Variants in ITGA1 observed in about 807,000 individuals in gnomAD.
ITGA1 encodes the protein integrin alpha-1.
ITGA1 carries 85 observed loss-of-function variants against 145.9 expected under a neutral mutation model. The observed-to-expected ratio is 0.58, with a 90% CI of 0.49 to 0.70. The LOEUF is 0.70. Ranked by LOEUF, ITGA1 falls within the 30% of genes least tolerant of loss-of-function variation. The pLI is 0.00. For synonymous variants in ITGA1, 520 were observed against 495.3 expected (o/e 1.05, Z -0.66); for missense variants, 1,351 against 1,418.7 (o/e 0.95, Z 0.77).
intron 24 of ITGA1, among the ~76,000 whole-genome samples, chr5:52,938,841 T>A (rs985599856): frequency 6.6e-6 from 1 of 152,136 alleles, no homozygotes; most frequent in Non-Finnish European, 1.5e-5. Flanking sequence ...TAAATACAGA[T>A]GAAGGTCTCT....
intron 3 of ITGA1, among the ~76,000 whole-genome samples, chr5:52,862,218 CAAAAAAA>C (rs11323830): frequency 3.1e-5 from 3 of 96,528 alleles, no homozygotes; most frequent in Admixed American, 1.1e-4. Flanking sequence ...AACTCCATCT[CAAAAAAA>C]AAAAAAAAAA....
intron 1 of ITGA1, among the ~76,000 whole-genome samples, chr5:52,828,239 T>C (rs966600756): frequency 1.2e-4 from 18 of 152,186 alleles, no homozygotes; most frequent in African/African-American, 4.3e-4. Flanking sequence ...CTGTTTTCCA[T>C]AGCAACATTA....
chr5:52,948,056 GGTAAATGTGA>G (rs977595329), intron 28 of ITGA1, among the ~76,000 whole-genome samples: 10 of 152,082 alleles, frequency 6.6e-5, no homozygotes, highest in African/African-American at 2.4e-4. Context: ...CAAATTCTGT[GGTAAATGTGA>G]GTAACCACCT....
At chr5:52,838,298 A>G (rs949887763) in intron 1 of ITGA1, among the ~76,000 whole-genome samples, 8 of 152,200 alleles carry the variant, frequency 5.3e-5, no homozygotes, top group African/African-American at 1.9e-4. Context: ...AGTCTATTAC[A>G]TACCATAGGA....
intron 1 of ITGA1, among the ~76,000 whole-genome samples, chr5:52,832,775 G>GTGTGTGTC (rs1554042251): frequency 3.6e-5 from 4 of 109,946 alleles, no homozygotes; most frequent in Non-Finnish European, 5.5e-5. Flanking sequence ...CTGTGTGTGT[G>GTGTGTGTC]TGTGTGTGTG....
intron 1 of ITGA1, chr5:52,800,144 T>C (rs868452784): frequency 5.7e-6 from 3 of 523,348 alleles, no homozygotes; most frequent in Middle Eastern, 5.2e-4. Context: ...TGTGTAGGGG[T>C]AGATTTTCGC....
At chr5:52,934,659 C>A (rs1302635872) in intron 23 of ITGA1, among the ~76,000 whole-genome samples, 4 of 151,806 alleles carry the variant, frequency 2.6e-5, no homozygotes, top group African/African-American at 4.8e-5. Flanking sequence ...TAGTTACTGA[C>A]ACAGACTCAA....
chr5:52,821,326 A>T (rs1198083368), intron 1 of ITGA1, among the ~76,000 whole-genome samples: 1 of 152,096 alleles, frequency 6.6e-6, no homozygotes, highest in Non-Finnish European at 1.5e-5. Context: ...AAGTCTAGGA[A>T]CCTATGTCAG....
At chr5:52,939,800 C>T (rs112900191) in intron 25 of ITGA1, 40 bp from the exon 26 acceptor site, 82 of 1,455,378 alleles carry the variant, frequency 5.6e-5, no homozygotes, top group East Asian at 5.2e-4. Flanking sequence ...TTTGATAAAA[C>T]GGCAAGAATA....
intron 6 of ITGA1, among the ~76,000 whole-genome samples, chr5:52,868,188 A>G (rs1749718096): frequency 6.6e-6 from 1 of 152,222 alleles, no homozygotes; most frequent in Non-Finnish European, 1.5e-5. Flanking sequence ...ACAATTTATT[A>G]TACAGCCATC....
At chr5:52,844,530 C>G (rs1203378741) in intron 1 of ITGA1, among the ~76,000 whole-genome samples, 2 of 152,118 alleles carry the variant, frequency 1.3e-5, no homozygotes, top group African/African-American at 4.8e-5. Context: ...TCTGCCTTCC[C>G]AAGCTTTCTT....
Position 52,920,444 on chromosome 5 carries a change from C to A in ITGA1, c.2268C>A (p.Cys756Ter), listed in dbSNP as rs1489387685. Residue 756 changes from cysteine (C) to a stop codon, truncating the protein, a stop_gained, in exon 17 of 29, where the codon TGC (cysteine) becomes TGA (stop). Coordinates refer to ENST00000282588, the MANE Select transcript of ITGA1 (RefSeq NM_181501.2). LOFTEE classifies it high-confidence loss of function. ...QRNITVRKSE[C>*]TKHSFYMLDK... ...ACATCACAGTTCGAAAATCAGAATGCACTAAGCACTCCTTCTACATGTTGG... is the reference window on the plus strand; with the variant it reads ...ACATCACAGTTCGAAAATCAGAATGAACTAAGCACTCCTTCTACATGTTGG... 1.9e-6 allele frequency: 3 copies of A among 1,605,598 alleles called. No individual in the cohort carries two copies. The highest frequency in any genetic ancestry group is 2.5e-6 in the Non-Finnish European group (3 of 1,177,056).
At chr5:52,828,743 T>C (rs890518656) in intron 1 of ITGA1, among the ~76,000 whole-genome samples, 1 of 152,184 alleles carries the variant, frequency 6.6e-6, no homozygotes, top group African/African-American at 2.4e-5. Context: ...AACAATATAT[T>C]GTCTCACATT....
At chr5:52,911,641 G>GTGTATCTACTATATATACTATATATAT (rs1750540079) in intron 14 of ITGA1, among the ~76,000 whole-genome samples, 2 of 94,804 alleles carry the variant, frequency 2.1e-5, no homozygotes, top group Non-Finnish European at 4.1e-5. Flanking sequence ...ACTATATATA[G>GTGTATCTACTATATATACTATATATAT]TGTATCTACT....
chr5:52,937,800 GCTCCAAGAGAGA>G (rs1387001046), intron 24 of ITGA1, among the ~76,000 whole-genome samples: 1 of 152,164 alleles, frequency 6.6e-6, no homozygotes, highest in Non-Finnish European at 1.5e-5. Flanking sequence ...CCCTCTGGAG[GCTCCAAGAGAGA>G]CTCTTTCTCA....
intron 1 of ITGA1, among the ~76,000 whole-genome samples, chr5:52,812,114 A>G (rs1000805720): frequency 2.6e-5 from 4 of 152,240 alleles, no homozygotes; most frequent in African/African-American, 7.2e-5. Context: ...TTAAGAAAAG[A>G]GATGAACATA....
intron 1 of ITGA1, among the ~76,000 whole-genome samples, chr5:52,805,638 G>T (rs1748577043): frequency 6.6e-6 from 1 of 152,102 alleles, no homozygotes; most frequent in South Asian, 2.1e-4. Flanking sequence ...TTATGCAGTG[G>T]TGGTTAAATT....
intron 5 of ITGA1, 130 bp downstream of exon 5, chr5:52,865,212 A>G (rs1580069087): frequency 1.5e-6 from 1 of 645,294 alleles, no homozygotes; most frequent in East Asian, 2.8e-5. Flanking sequence ...ATTTAGGTAA[A>G]TGTTTGCTTT....
At chr5:52,808,676 C>CTTTTTTTTTTTTTTTTTTTTTTT (rs60113844) in intron 1 of ITGA1, among the ~76,000 whole-genome samples, 11 of 69,338 alleles carry the variant, frequency 1.6e-4, no homozygotes, top group East Asian at 4.2e-4. Flanking sequence ...TTCTTTCTTT[C>CTTTTTTTTTTTTTTTTTTTTTTT]TTTTTTTTTT....
Sources: gnomAD v4.1 joint callset for allele counts (sites outside exome capture counted in the v4.1 genomes callset) on GRCh38, gnomAD v4.1.1 for gene constraint, MANE v1.5 for transcripts, NCBI Gene and HGNC (gene_info 2026-07-23, HGNC 2026-07-21) for gene names.